MYL5: variants seen among roughly 807,000 people sequenced by gnomAD.
MYL5 encodes myosin light chain 5.
A neutral mutation model predicts 20.8 loss-of-function variants in MYL5; 28 were observed. That is an observed-to-expected ratio of 1.35 (90% CI 1.00 to 1.84). The LOEUF (loss-of-function observed/expected upper bound fraction) is 1.84. Ranked by LOEUF, MYL5 falls within the 40% of genes most tolerant of loss-of-function variation. The probability of loss-of-function intolerance (pLI) is 0.00; values close to 1 mark genes in which losing one functional copy is unlikely to be tolerated. For missense variants in MYL5, 274 were observed against 227.3 expected, an observed-to-expected ratio of 1.21 and a Z score of -1.32; for synonymous variants, 118 against 87.4, an observed-to-expected ratio of 1.35 and a Z score of -1.95.
chr4:674,716 G>T (rs540202032), upstream of MYL5: 37 of 188,780 alleles, frequency 2.0e-4, 1 homozygote, highest in South Asian at 3.0e-3. Context: ...CAGCCCCGCG[G>T]ACCGCGCCCA....
upstream of MYL5, among the ~76,000 whole-genome samples, chr4:677,249 G>A (rs1738935871): frequency 6.6e-6 from 1 of 152,144 alleles, no homozygotes; most frequent in Non-Finnish European, 1.5e-5. Flanking sequence ...CCCACCCCTT[G>A]AACCAGGGCA....
chr4:675,524 T>C (rs764370337), upstream of MYL5: 1 of 152,392 alleles, frequency 6.6e-6, no homozygotes, highest in African/African-American at 2.4e-5. Flanking sequence ...CGGCCTGGGC[T>C]ACCTGTCCGG....
chr4:681,705 G>T (rs1350049183), intron 6 of MYL5, 188 bp from the exon 9 acceptor site: 4 of 52,806 alleles, frequency 7.6e-5, no homozygotes, highest in African/African-American at 2.6e-4. Flanking sequence ...GCGCCGCCCC[G>T]CCCCCTCCAG....
chr4:678,905 G>A (rs1465125751), intron 2 of MYL5, 53 bp from the exon 5 acceptor site: 6 of 1,606,280 alleles, frequency 3.7e-6, no homozygotes, highest in African/African-American at 1.3e-5. Flanking sequence ...AGCAGGGGGC[G>A]GGGCAGAGCC....
At chr4:678,723 C>A (rs1049861867) in exon 2 of MYL5, 8 of 1,612,266 alleles carry the variant, frequency 5.0e-6, no homozygotes, top group Non-Finnish European at 5.9e-6. Context: ...CATCCAATGT[C>A]TTCTCCAACT....
intron 3 of MYL5, among the ~76,000 whole-genome samples, chr4:679,580 G>A (rs1311888416): frequency 2.0e-5 from 3 of 152,176 alleles, no homozygotes; most frequent in African/African-American, 7.2e-5. Flanking sequence ...GAGCTGGGGA[G>A]TGATTTCTCC....
chr4:681,168 C>T (rs752629765), intron 6 of MYL5, 28 bp downstream of exon 8: 4 of 1,595,812 alleles, frequency 2.5e-6, no homozygotes, highest in Non-Finnish European at 8.5e-7. Flanking sequence ...CCTGCCAAGC[C>T]CACGAGGGGA....
chr4:681,800 C>T (rs1392456037), intron 6 of MYL5, 93 bp from the exon 9 acceptor site: 77 of 1,242,920 alleles, frequency 6.2e-5, no homozygotes, highest in Admixed American at 8.3e-5. Flanking sequence ...CTCCCCCTCC[C>T]GCGGCGCAGA....
At chr4:680,973 G>C in intron 5 of MYL5, 119 bp from the exon 8 acceptor site, 2 of 1,143,082 alleles carry the variant, frequency 1.7e-6, no homozygotes, top group Non-Finnish European at 2.5e-6. Flanking sequence ...ACACTCCAGC[G>C]GGAAGGGCGG....
intron 4 of MYL5, 36 bp from the exon 7 acceptor site, chr4:680,473 C>T (rs561412705): frequency 2.5e-6 from 4 of 1,609,724 alleles, no homozygotes; most frequent in South Asian, 2.2e-5. Context: ...GGACTGCCAC[C>T]CTGACGGCCC....
upstream of MYL5, chr4:676,865 C>T (rs775424528): frequency 1.1e-5 from 11 of 985,262 alleles, no homozygotes; most frequent in African/African-American, 8.7e-5. Context: ...GGTCATGCCT[C>T]CAGGGTCCTC....
rs945220885 is a variant in MYL5, at chr4:678,227, T to C, written c.3+198T>C. On this transcript the variant is annotated intron_variant, in intron 1 of 6. Coordinates refer to ENST00000400159, the Ensembl canonical transcript of MYL5. ...GTGACCTTGCGGGTGTGGGCTGTGC[T>C]GTGTTGTGGGAAGTACGTGCCTCAC... 8.4e-5 allele frequency: 125 copies of C among 1,494,632 alleles called. 2 individuals are homozygous for C. The highest frequency in any genetic ancestry group is 4.2e-4 in the East Asian group (17 of 40,176). 92.6% of individuals were successfully genotyped at this position (1,494,632 alleles called of 1,614,324 possible). A position where few individuals can be genotyped will look rare whatever the true frequency, so the allele number is the denominator to read the frequency against.
At chr4:677,047 G>T, upstream of MYL5, 1 of 442,650 alleles carries the variant, frequency 2.3e-6, no homozygotes, top group Non-Finnish European at 3.0e-6. Flanking sequence ...GGCGCCCCCA[G>T]GGATCCCACC....
chr4:680,358 A>G (rs1739331768), intron 4 of MYL5, 151 bp from the exon 7 acceptor site: 1 of 840,542 alleles, frequency 1.2e-6, no homozygotes, highest in African/African-American at 1.7e-5. Context: ...GGCTCAGGAA[A>G]GGAGAAGGCC....
chr4:674,721 C>T (rs931622511), upstream of MYL5: 128 of 181,612 alleles, frequency 7.0e-4, no homozygotes, highest in African/African-American at 3.0e-3. Context: ...CCGCGGACCG[C>T]GCCCACCCGA....
chr4:678,920 C>A (rs761139370), intron 2 of MYL5, 38 bp from the exon 5 acceptor site: 23 of 1,611,742 alleles, frequency 1.4e-5, no homozygotes, highest in Non-Finnish European at 2.0e-5. Context: ...AGAGCCCAGC[C>A]GGGTTGGCAG....
chr4:681,187 C>T lies in MYL5; in HGVS notation c.420+47C>T, dbSNP rs913272032. 1.9e-6 allele frequency: 3 copies of T among 1,575,064 alleles called. No individual in the cohort carries two copies. In the South Asian group the frequency reaches 3.5e-5, roughly 18 times the overall value. ...CCAAGCCCACGAGGGGAGGGCGGGG[C>T]TCCCGGGGTCAGCTGGGTGGAGGGG... On this transcript the variant is annotated intron_variant, in intron 6 of 6. Coordinates refer to ENST00000400159, the Ensembl canonical transcript of MYL5.
chr4:680,487 GCTGAAGGTGC>G lies in MYL5; in HGVS notation c.293-19_293-10del. ...GGGACTGCCACCCTGACGGCCCTGG[GCTGAAGGTGC>G]CTTTGTGGCAGGTACCGACGCCGAG... is the stretch of plus-strand genomic sequence containing the variant. On this transcript the variant is annotated splice_polypyrimidine_tract_variant and intron_variant, in intron 4 of 6. Coordinates refer to ENST00000400159, the Ensembl canonical transcript of MYL5. 1 of 1,613,148 alleles carries G rather than the reference GCTGAAGGTGC, an allele frequency of 6.2e-7. No homozygotes were observed.
chr4:681,186 G>A, intron 6 of MYL5, 46 bp downstream of exon 8: 5 of 1,576,898 alleles, frequency 3.2e-6, no homozygotes, highest in East Asian at 2.3e-5. Flanking sequence ...GGAGGGCGGG[G>A]CTCCCGGGGT....
Sources: gnomAD v4.1 joint callset for allele counts (sites outside exome capture counted in the v4.1 genomes callset) on GRCh38, gnomAD v4.1.1 for gene constraint, MANE v1.5 for transcripts, NCBI Gene and HGNC (gene_info 2026-07-23, HGNC 2026-07-21) for gene names.